The following PIWIL2 variants were observed in gnomAD, a reference collection of about 807,000 sequenced individuals.
PIWIL2 encodes the protein piwi-like protein 2.
A neutral mutation model predicts 116.5 loss-of-function variants in PIWIL2; 81 were observed. The observed-to-expected ratio is 0.70, with a 90% CI of 0.58 to 0.84. PIWIL2 has a LOEUF of 0.84. Ranked by LOEUF, PIWIL2 falls within the 40% of genes least tolerant of loss-of-function variation. PIWIL2 has a pLI of 0.00. For synonymous variants in PIWIL2, 489 were observed against 429.5 expected (o/e 1.14, Z -1.71); for missense variants, 1,272 against 1,212.3 (o/e 1.05, Z -0.73).
intron 20 of PIWIL2, among the ~76,000 whole-genome samples, chr8:22,340,704 T>A (rs1161598157): frequency 1.3e-5 from 2 of 151,968 alleles, no homozygotes; most frequent in African/African-American, 2.4e-5. Flanking sequence ...AAGGAAAGAT[T>A]TTTTTTATTT....
In PIWIL2 at chr8:22,339,289, C is replaced by T. The variant is rs563560662; in HGVS notation, c.2404-13670C>T. Among the ~76,000 whole-genome samples, 5 of 152,232 alleles carry T rather than the reference C, an allele frequency of 3.3e-5. No homozygotes were observed. The East Asian group carries it at 7.7e-4, about 24-fold the overall frequency. On this transcript the variant is annotated intron_variant, in intron 20 of 22. Transcript: ENST00000356766. ...TTGGGAGGCCGAGGTGGGCAGATCA[C>T]GAGATCAGGAGATGGAGACCATCCT...
chr8:22,313,238 C>T (rs1006332521), intron 16 of PIWIL2, among the ~76,000 whole-genome samples: 2 of 152,126 alleles, frequency 1.3e-5, no homozygotes, highest in Admixed American at 1.3e-4. Flanking sequence ...GAATCACAAA[C>T]TCGTATGTCT....
At chr8:22,296,187 C>G (rs1586550308) in intron 10 of PIWIL2, among the ~76,000 whole-genome samples, 1 of 152,054 alleles carries the variant, frequency 6.6e-6, no homozygotes, top group East Asian at 1.9e-4. Flanking sequence ...TCCTGAGTAG[C>G]TGGGACTACA....
At chr8:22,296,266 C>T (rs545526600) in intron 10 of PIWIL2, among the ~76,000 whole-genome samples, 2 of 151,948 alleles carry the variant, frequency 1.3e-5, no homozygotes, top group Non-Finnish European at 2.9e-5. Flanking sequence ...AGGACGGTCT[C>T]GATCTCTTGA....
At chr8:22,306,509 C>T (rs921577223) in intron 13 of PIWIL2, among the ~76,000 whole-genome samples, 1 of 152,166 alleles carries the variant, frequency 6.6e-6, no homozygotes, top group Non-Finnish European at 1.5e-5. Context: ...GGCTCAGCTC[C>T]TGTGGGCAGG....
At chr8:22,340,987 A>G (rs1832095449) in intron 20 of PIWIL2, among the ~76,000 whole-genome samples, 1 of 152,164 alleles carries the variant, frequency 6.6e-6, no homozygotes, top group Non-Finnish European at 1.5e-5. Flanking sequence ...TGCTGGGGTT[A>G]TAGGCATGAA....
At chr8:22,303,725 G>A (rs1831107116) in intron 10 of PIWIL2, among the ~76,000 whole-genome samples, 2 of 151,992 alleles carry the variant, frequency 1.3e-5, no homozygotes, top group Non-Finnish European at 2.9e-5. Context: ...TGCAGTTCAG[G>A]CCCTCTTAAG....
chr8:22,332,658 C>T (rs569796845), intron 20 of PIWIL2, among the ~76,000 whole-genome samples: 19 of 152,110 alleles, frequency 1.2e-4, no homozygotes, highest in South Asian at 2.1e-4. Context: ...AAATAAACAG[C>T]GTAAGCCACA....
In PIWIL2 at chr8:22,356,863, C is replaced by G. The variant is rs917122326; in HGVS notation, c.*1358C>G. 15 of 151,828 alleles carry G rather than the reference C, an allele frequency of 9.9e-5. No individual in the cohort carries two copies. The highest frequency in any genetic ancestry group is 3.6e-4 in the African/African-American group (15 of 41,334). 9.4% of individuals were successfully genotyped at this position (151,828 alleles called of 1,614,324 possible). A position where few individuals can be genotyped will look rare whatever the true frequency, so the allele number is the denominator to read the frequency against. On this transcript the variant is annotated 3_prime_UTR_variant, in exon 23 of 23. Transcript: ENST00000356766. Reference sequence around the variant, plus strand: ...CCCGTTTTTTTCTGGTTTTTTTTCCCCCCTCTCCATTTTAGAATCTTCTCC... The same window carrying G: ...CCCGTTTTTTTCTGGTTTTTTTTCCGCCCTCTCCATTTTAGAATCTTCTCC...
intron 19 of PIWIL2, among the ~76,000 whole-genome samples, chr8:22,317,371 C>G (rs910808760): frequency 1.3e-5 from 2 of 151,984 alleles, no homozygotes; most frequent in East Asian, 1.9e-4. Context: ...TTAACACATA[C>G]ATGTGATATA....
intron 19 of PIWIL2, 37 bp from the exon 20 acceptor site, chr8:22,318,133 C>A: frequency 1.5e-6 from 2 of 1,332,744 alleles, no homozygotes; most frequent in Non-Finnish European, 2.2e-6. Context: ...ATTTGTTCAT[C>A]TTCCTTTCTC....
Position 22,323,010 on chromosome 8 carries a change from C to T in PIWIL2, c.2403+4735C>T, listed in dbSNP as rs558854184. On this transcript the variant is annotated intron_variant, in intron 20 of 22. Coordinates refer to ENST00000356766, the MANE Select transcript of PIWIL2 (RefSeq NM_018068.5). ...CGGCTCACTGCAACTTCCGCCTCCCCGGTTCAAGCACTTCTGCCTCAGCCT... is the reference window on the plus strand; with the variant it reads ...CGGCTCACTGCAACTTCCGCCTCCCTGGTTCAAGCACTTCTGCCTCAGCCT... 4.5e-4 allele frequency among the ~76,000 whole-genome samples: 68 copies of T among 150,382 alleles called. 1 individual carries two copies. Among genetic ancestry groups the T allele is most frequent in the African/African-American group, 1.6e-3 (66 of 40,890 alleles).
intron 20 of PIWIL2, among the ~76,000 whole-genome samples, chr8:22,337,987 G>C (rs904085132): frequency 2.6e-5 from 4 of 151,984 alleles, no homozygotes; most frequent in Non-Finnish European, 4.4e-5. Context: ...CCAACTACTC[G>C]GGAGGCTGAG....
At chr8:22,306,778 C>T (rs1326003745) in intron 13 of PIWIL2, among the ~76,000 whole-genome samples, 1 of 152,188 alleles carries the variant, frequency 6.6e-6, no homozygotes, top group Non-Finnish European at 1.5e-5. Context: ...TCTACTTTCA[C>T]CTACCTTGTA....
chr8:22,352,763 C>T (rs948715844), intron 20 of PIWIL2, 196 bp from the exon 21 acceptor site: 8 of 511,848 alleles, frequency 1.6e-5, no homozygotes, highest in South Asian at 8.7e-5. Context: ...CTGCACCAGG[C>T]GTGTTTTACT....
At chr8:22,324,259 C>T (rs150900050) in intron 20 of PIWIL2, among the ~76,000 whole-genome samples, 1 of 151,920 alleles carries the variant, frequency 6.6e-6, no homozygotes, top group Non-Finnish European at 1.5e-5. Context: ...AAGACTTTGT[C>T]TCAAAAAAAA....
intron 18 of PIWIL2, 33 bp downstream of exon 18, chr8:22,315,178 T>G: frequency 8.7e-7 from 1 of 1,149,504 alleles, no homozygotes; most frequent in Non-Finnish European, 1.3e-6. Context: ...AGTTTGCCTC[T>G]CCAGAGAATC....
At position 22,281,398 on chromosome 8, in the gene PIWIL2, G is replaced by T. The variant is rs755819581; in HGVS notation, c.308G>T (p.Gly103Val). The T allele has an allele frequency of 4.3e-6, 7 of 1,609,390 alleles. No individual in the cohort carries two copies. The East Asian group carries it at 1.6e-4, about 36-fold the overall frequency. The change falls in exon 4 of 23, where the codon GGC becomes GTC. Residue 103 changes from glycine (G) to valine (V), a missense_variant. Physicochemically the swap from Gly to Val is moderately radical, Grantham distance 109. Transcript: ENST00000356766. ...LPSGRGILGR[G>V]LSANLVRKDR... is the part of the protein sequence containing the mutation. ...TCAGGTAGAGGCATTTTAGGTCGAGGCTTGTCTGCTAATCTGGTACGCAAG... is the reference window on the plus strand; with the variant it reads ...TCAGGTAGAGGCATTTTAGGTCGAGTCTTGTCTGCTAATCTGGTACGCAAG...
Position 22,357,011 on chromosome 8 carries a change from G to A in PIWIL2, c.*1506G>A, listed in dbSNP as rs571476369. ...ATTTTTTGGTATGATGGCAGGGAGG[G>A]GACAAAGCAGAAATACCCCTTTTAT... On this transcript the variant is annotated 3_prime_UTR_variant, in exon 23 of 23. Transcript: ENST00000356766. 38 of 151,934 alleles carry A rather than the reference G, an allele frequency of 2.5e-4. No homozygotes were observed. The highest frequency in any genetic ancestry group is 9.2e-4 in the African/African-American group (38 of 41,406). The allele number at this position is 151,934 out of a possible 1,614,324, so 9.4% of individuals were successfully genotyped here. A position where few individuals can be genotyped will look rare whatever the true frequency, so the allele number is the denominator to read the frequency against.
Sources: allele counts gnomAD v4.1 joint callset (sites outside exome capture counted in the v4.1 genomes callset), GRCh38; gene constraint gnomAD v4.1.1; transcripts MANE v1.5; gene names NCBI Gene and HGNC (gene_info 2026-07-23, HGNC 2026-07-21).